Variants in CEP350 observed in about 807,000 individuals in gnomAD.
The protein encoded by CEP350 is centrosomal protein 350.
CEP350 carries 126 observed loss-of-function variants against 331.8 expected under a neutral mutation model. That is an observed-to-expected ratio of 0.38 (90% CI 0.33 to 0.44). The LOEUF (loss-of-function observed/expected upper bound fraction) is 0.44. Ranked by LOEUF, CEP350 falls within the 20% of genes least tolerant of loss-of-function variation. The pLI, the probability that CEP350 is intolerant of heterozygous loss-of-function variation, is 1.00. For missense variants in CEP350, 3,406 were observed against 3,634.6 expected, an observed-to-expected ratio of 0.94 and a Z score of 1.62; for synonymous variants, 1,200 against 1,259.5, an observed-to-expected ratio of 0.95 and a Z score of 1.00.
At chr1:180,069,420 AAAG>A (rs1658754620) in intron 27 of CEP350, among the ~76,000 whole-genome samples, 1 of 152,206 alleles carries the variant, frequency 6.6e-6, no homozygotes, top group Non-Finnish European at 1.5e-5. Flanking sequence ...ATATTCCATT[AAAG>A]GAGATATTTT....
intron 1 of CEP350, among the ~76,000 whole-genome samples, chr1:179,973,058 G>C (rs954986929): frequency 6.6e-6 from 1 of 151,902 alleles, no homozygotes; most frequent in African/African-American, 2.4e-5. Flanking sequence ...TAGTAGAGAC[G>C]GGGTTTCACC....
At position 180,014,197 on chromosome 1, in the gene CEP350, C is replaced by A. The variant is rs769050045; in HGVS notation, c.1744C>A (p.Pro582Thr). 1.9e-6 allele frequency: 3 copies of A among 1,609,892 alleles called. No homozygotes were observed. The South Asian group carries it at 3.3e-5, about 18-fold the overall frequency. The change falls in exon 10 of 38, where the codon CCC becomes ACC. Residue 582 changes from proline (P) to threonine (T), a missense_variant. Pro to Thr is a conservative substitution (Grantham distance 38). Around this residue, in one of 5 missense-constraint regions of CEP350, gnomAD observed 1,857 missense variants for 1,909.2 expected, o/e 0.97. Coordinates refer to ENST00000367607, the MANE Select transcript of CEP350 (RefSeq NM_014810.5). ...TGACAAAATAACAGCTAATGAAGAT[C>A]CCCCTGTTATTTCCAAAAGGCGCCA... The part of the protein sequence containing the change: ...KPDKITANED[P>T]PVISKRRHYD...
intron 32 of CEP350, among the ~76,000 whole-genome samples, 168 bp downstream of exon 32, chr1:180,087,885 TTATATG>T (rs1437819139): frequency 6.6e-6 from 1 of 152,170 alleles, no homozygotes; most frequent in Non-Finnish European, 1.5e-5. Flanking sequence ...TAATTAAAAA[TTATATG>T]TATAAGGTAT....
At chr1:180,071,075 G>A (rs1658853279) in intron 27 of CEP350, among the ~76,000 whole-genome samples, 1 of 149,018 alleles carries the variant, frequency 6.7e-6, no homozygotes, top group African/African-American at 2.5e-5. Flanking sequence ...TTGAACCAGG[G>A]AGTTGGAGGT....
intron 6 of CEP350, among the ~76,000 whole-genome samples, chr1:179,998,190 T>C (rs1571841603): frequency 6.6e-6 from 1 of 151,954 alleles, no homozygotes; most frequent in Non-Finnish European, 1.5e-5. Context: ...TTATTTAAAC[T>C]TCTGCCAGAG....
Position 180,094,276 on chromosome 1 carries a change from CA to C in CEP350, c.8173del (p.Arg2725GlufsTer10). 1 of 1,613,394 alleles carries C rather than the reference CA, an allele frequency of 6.2e-7. No individual in the cohort carries two copies. The highest frequency in any genetic ancestry group is 8.5e-7 in the Non-Finnish European group (1 of 1,179,680). On this transcript the variant is annotated frameshift_variant, in exon 34 of 38. Transcript: ENST00000367607. LOFTEE classifies it high-confidence loss of function. ...KLCTPLLDLLTREKNQLEAQL... is the reference protein window; with the variant it reads ...KLCTPLLDLLXREKNQLEAQL... Reference sequence around the variant, plus strand: ...TGTACACCACTTCTGGATCTTTTAACAAGAGAAAAAAACCAACTGGAAGCCC... The same window carrying C: ...TGTACACCACTTCTGGATCTTTTAACAGAGAAAAAAACCAACTGGAAGCCC...
At chr1:180,107,109 C>G (rs546532834) in intron 37 of CEP350, among the ~76,000 whole-genome samples, 202 of 152,298 alleles carry the variant, frequency 1.3e-3, no homozygotes, top group Non-Finnish European at 2.2e-3. Context: ...GACAGCCTTT[C>G]AGCATTCACA....
intron 25 of CEP350, among the ~76,000 whole-genome samples, chr1:180,057,934 A>G (rs1244033823): frequency 1.3e-5 from 2 of 152,156 alleles, no homozygotes; most frequent in South Asian, 2.1e-4. Context: ...CTACTTCAGA[A>G]CTTGACAACT....
intron 7 of CEP350, among the ~76,000 whole-genome samples, chr1:180,004,902 GCTTGCTTTCTTT>G (rs1331108124): frequency 4.0e-5 from 5 of 125,430 alleles, no homozygotes; most frequent in African/African-American, 1.7e-4. Context: ...TTGCTTGCTT[GCTTGCTTTCTTT>G]CTTTCTTTCT....
At chr1:180,068,987 G>T (rs1438405932) in intron 27 of CEP350, among the ~76,000 whole-genome samples, 1 of 152,154 alleles carries the variant, frequency 6.6e-6, no homozygotes. Context: ...TCACTATGTG[G>T]CCCAGGATAG....
Position 179,955,078 on chromosome 1 carries a change from C to T in CEP350, c.-78C>T. On this transcript the variant is annotated 5_prime_UTR_variant, in exon 1 of 38. Transcript: ENST00000367607. ...CCTGGGGCCGGTCGGGGCGGCGTCA[C>T]TGCACCCTCCGCCAGGCTCCGCGGG... 1.4e-6 allele frequency: 2 copies of T among 1,454,356 alleles called. No individual in the cohort carries two copies. The highest frequency in any genetic ancestry group is 9.0e-7 in the Non-Finnish European group (1 of 1,106,562). 90.1% of individuals were successfully genotyped at this position (1,454,356 alleles called of 1,614,324 possible). A position where few individuals can be genotyped will look rare whatever the true frequency, so the allele number is the denominator to read the frequency against.
Position 180,093,988 on chromosome 1 carries a change from A to G in CEP350, c.7883A>G (p.Asn2628Ser), listed in dbSNP as rs1473293765. ...GTGAATGATATAGAAGCCTCAGTTA[A>G]TAGAAGTAGAAGCCTTAAAATAGAA... ...PSVNDIEASV[N>S]RSRSLKIETD... The change falls in exon 34 of 38, where the codon AAT becomes AGT. Residue 2628 changes from asparagine (N) to serine (S), a missense_variant. By Grantham distance (46) the Asn-to-Ser change is conservative. Coordinates refer to ENST00000367607, the MANE Select transcript of CEP350 (RefSeq NM_014810.5). 2 of 1,613,890 alleles carry G rather than the reference A, an allele frequency of 1.2e-6. No homozygotes were observed. Among genetic ancestry groups the G allele is most frequent in the Non-Finnish European group, 1.7e-6 (2 of 1,179,828 alleles).
chr1:179,987,560 C>A (rs1372881982), intron 3 of CEP350, among the ~76,000 whole-genome samples: 1 of 149,430 alleles, frequency 6.7e-6, no homozygotes, highest in Non-Finnish European at 1.5e-5. Context: ...ACATAAATGA[C>A]AACTATTAAA....
At chr1:180,061,255 G>A (rs1449774247) in intron 25 of CEP350, among the ~76,000 whole-genome samples, 1 of 152,088 alleles carries the variant, frequency 6.6e-6, no homozygotes, top group African/African-American at 2.4e-5. Context: ...GAGTGCAGTG[G>A]CATGATTTTG....
In CEP350 at chr1:180,093,226, C is replaced by A; in HGVS notation, c.7121C>A (p.Pro2374Gln). The stretch of plus-strand genomic sequence containing the variant: ...CATCTTTTTGCTCCTAAAGAGATAC[C>A]ATACTCTGAAGATTTTGAAGTGTCT... ...SEHLFAPKEIPYSEDFEVSSF... is the reference protein window; with the variant it reads ...SEHLFAPKEIQYSEDFEVSSF... The change falls in exon 34 of 38, where the codon CCA becomes CAA. Residue 2374 changes from proline (P) to glutamine (Q), a missense_variant. Pro to Gln is a moderately conservative substitution (Grantham distance 76). Coordinates refer to ENST00000367607, the MANE Select transcript of CEP350 (RefSeq NM_014810.5). 6.2e-7 allele frequency: 1 copy of A among 1,601,862 alleles called. No individual in the cohort carries two copies. Among genetic ancestry groups the A allele is most frequent in the South Asian group, 1.1e-5 (1 of 89,210 alleles).
At position 180,092,979 on chromosome 1, in the gene CEP350, G is replaced by A. The variant is rs1200337265; in HGVS notation, c.6874G>A (p.Gly2292Arg). 6.2e-7 allele frequency: 1 copy of A among 1,600,830 alleles called. No homozygotes were observed. The highest frequency in any genetic ancestry group is 8.5e-7 in the Non-Finnish European group (1 of 1,172,556). ...DVLLKLVLEQ[G>R]DSSEILSKKD... is the part of the protein sequence containing the mutation. ...CTTACTGAAATTAGTCCTAGAACAG[G>A]GAGATTCATCTGAAATTCTTTCAAA... The change falls in exon 34 of 38, where the codon GGA becomes AGA. Residue 2292 changes from glycine (G) to arginine (R), a missense_variant. Physicochemically the swap from Gly to Arg is moderately radical, Grantham distance 125. Around this residue, in one of 5 missense-constraint regions of CEP350, gnomAD observed 1,415 missense variants for 1,512.3 expected, o/e 0.94. Transcript: ENST00000367607.
intron 1 of CEP350, among the ~76,000 whole-genome samples, chr1:179,962,707 C>G (rs1057422730): frequency 2.0e-5 from 3 of 152,196 alleles, no homozygotes; most frequent in African/African-American, 7.2e-5. Context: ...TGCTCCCGGC[C>G]TATCTGATCT....
chr1:179,967,768 AAG>A (rs1247075199), intron 1 of CEP350, among the ~76,000 whole-genome samples: 1 of 152,222 alleles, frequency 6.6e-6, no homozygotes, highest in Non-Finnish European at 1.5e-5. Context: ...TATTTTATGA[AAG>A]AATTTATTTT....
chr1:179,974,227 C>T (rs1651677428), intron 1 of CEP350, among the ~76,000 whole-genome samples: 1 of 152,030 alleles, frequency 6.6e-6, no homozygotes, highest in South Asian at 2.1e-4. Context: ...CCACAGGTGC[C>T]TGCCACCACG....
Sources: allele counts gnomAD v4.1 joint callset (sites outside exome capture counted in the v4.1 genomes callset), GRCh38; gene constraint gnomAD v4.1.1; regional missense constraint gnomAD v4.1.1; transcripts MANE v1.5; gene names NCBI Gene and HGNC (gene_info 2026-07-23, HGNC 2026-07-21).